The following MYH15 variants were observed in gnomAD, a reference collection of about 807,000 sequenced individuals.
MYH15 encodes the protein myosin heavy chain 15, also known as myosin-15.
Under a neutral mutation model 240.5 loss-of-function variants are expected in MYH15, and 227 were observed. That is an observed-to-expected ratio of 0.94 (90% CI 0.85 to 1.05). The LOEUF is 1.05. MYH15 is among the 50% of genes least tolerant of loss of function. MYH15 has a pLI of 0.00. For missense variants in MYH15, 2,217 were observed against 2,247.5 expected, an observed-to-expected ratio of 0.99 and a Z score of 0.27; for synonymous variants, 785 against 796.7, an observed-to-expected ratio of 0.99 and a Z score of 0.25.
At chr3:108,469,019 G>A (rs1310299495) in intron 14 of MYH15, among the ~76,000 whole-genome samples, 2 of 152,048 alleles carry the variant, frequency 1.3e-5, no homozygotes, top group Admixed American at 6.5e-5. Flanking sequence ...TTATTAATAT[G>A]TTTTAATCAG....
upstream of MYH15, among the ~76,000 whole-genome samples, chr3:108,532,619 A>T (rs1409927297): frequency 1.3e-5 from 2 of 151,810 alleles, no homozygotes; most frequent in Non-Finnish European, 2.9e-5. Flanking sequence ...GAAATCTCTC[A>T]CTCTTGCTCT....
At chr3:108,529,048 G>C (rs889238196) in intron 1 of MYH15, among the ~76,000 whole-genome samples, 2 of 152,128 alleles carry the variant, frequency 1.3e-5, no homozygotes, top group African/African-American at 4.8e-5. Context: ...ATCACATGAA[G>C]TGTTTTACCA....
intron 14 of MYH15, among the ~76,000 whole-genome samples, chr3:108,468,171 AGC>A (rs1428615552): frequency 1.3e-5 from 2 of 152,050 alleles, no homozygotes; most frequent in African/African-American, 4.8e-5. Context: ...TCACCATGTT[AGC>A]CAGGCTGGTG....
intron 12 of MYH15, among the ~76,000 whole-genome samples, chr3:108,475,715 C>T (rs1297541607): frequency 2.6e-5 from 4 of 152,166 alleles, no homozygotes; most frequent in African/African-American, 9.7e-5. Flanking sequence ...TGCATTACTG[C>T]AGCCCAGCTT....
chr3:108,496,394 G>A (rs929777686), intron 6 of MYH15, among the ~76,000 whole-genome samples: 4 of 152,146 alleles, frequency 2.6e-5, no homozygotes, highest in Non-Finnish European at 5.9e-5. Context: ...TTTGAATCAC[G>A]TGTGCTCAGG....
At chr3:108,439,040 C>G (rs1161882044) in intron 24 of MYH15, among the ~76,000 whole-genome samples, 6 of 149,164 alleles carry the variant, frequency 4.0e-5, no homozygotes, top group Non-Finnish European at 8.9e-5. Flanking sequence ...GAAGAAAGAG[C>G]AGCAGATAAG....
Position 108,416,872 on chromosome 3 carries a change from T to C in MYH15, c.3888A>G (p.Glu1296=), listed in dbSNP as rs765955442. Residue 1296 remains glutamate (E), a synonymous_variant, in exon 29 of 41, where the codon GAA becomes GAG. Transcript: ENST00000693548. ...CAATCTGCCGAGTGAAGTTGCTCTTTTCCCTGGAAAGTTGGTTTATCAGAG... is the reference window on the plus strand; with the variant it reads ...CAATCTGCCGAGTGAAGTTGCTCTTCTCCCTGGAAAGTTGGTTTATCAGAG... The part of the protein sequence containing the change: ...KEALINQLSR[E]KSNFTRQIED... 1 of 1,614,118 alleles carries C rather than the reference T, an allele frequency of 6.2e-7. No homozygotes were observed. The highest frequency in any genetic ancestry group is 1.3e-5 in the African/African-American group (1 of 75,040).
In MYH15 at chr3:108,439,822, T is replaced by C. The variant is rs755135787; in HGVS notation, c.2990A>G (p.Gln997Arg). 4 of 1,613,716 alleles carry C rather than the reference T, an allele frequency of 2.5e-6. No individual in the cohort carries two copies. The highest frequency in any genetic ancestry group is 3.4e-6 in the Non-Finnish European group (4 of 1,179,830). Reference protein sequence around the residue: ...AAKVVQEAHQQTLDDLHMEEE... With the variant: ...AAKVVQEAHQRTLDDLHMEEE... ...CTCCATGTGCAGGTCATCCAGGGTCTGCTGATGGGCCTCCTGCACAACCTT... is the reference window on the plus strand; with the variant it reads ...CTCCATGTGCAGGTCATCCAGGGTCCGCTGATGGGCCTCCTGCACAACCTT... Residue 997 changes from glutamine to arginine, a missense_variant, in exon 24 of 41, where the codon CAG (glutamine) becomes CGG (arginine). By Grantham distance (43) the Gln-to-Arg change is conservative. Coordinates refer to ENST00000693548, the MANE Select transcript of MYH15 (RefSeq NM_014981.3).
At chr3:108,432,076 T>G (rs1244487812) in intron 25 of MYH15, among the ~76,000 whole-genome samples, 1 of 152,124 alleles carries the variant, frequency 6.6e-6, no homozygotes, top group Non-Finnish European at 1.5e-5. Context: ...TGTTTTGTTT[T>G]CAGACTGAGT....
chr3:108,546,575 A>T, the MYH15 span, among the ~76,000 whole-genome samples: 1 of 152,286 alleles, frequency 6.6e-6, no homozygotes, highest in Admixed American at 6.5e-5. Context: ...GTCCTTTGCT[A>T]TGTATCCTGG....
At position 108,495,889 on chromosome 3, in the gene MYH15, A is replaced by T; in HGVS notation, c.619-17T>A. On this transcript the variant is annotated splice_polypyrimidine_tract_variant and intron_variant, in intron 6 of 40. Transcript: ENST00000693548. ...TAACGCCCCCTGAGACACATGCAAG[A>T]GAAGTACAGCTGATGAAACTATTAG... The T allele has an allele frequency of 6.3e-7, 1 of 1,580,110 alleles. No homozygotes were observed. The highest frequency in any genetic ancestry group is 8.7e-7 in the Non-Finnish European group (1 of 1,155,992).
intron 33 of MYH15, among the ~76,000 whole-genome samples, chr3:108,400,589 G>A (rs2082496260): frequency 6.6e-6 from 1 of 152,152 alleles, no homozygotes; most frequent in African/African-American, 2.4e-5. Context: ...CACTTTGGGA[G>A]GCCGAGGTGG....
chr3:108,534,862 G>C, the MYH15 span, among the ~76,000 whole-genome samples: 3 of 152,000 alleles, frequency 2.0e-5, no homozygotes, highest in Non-Finnish European at 4.4e-5. Context: ...GCCAGGGTGA[G>C]AGTGAAACAT....
intron 38 of MYH15, 75 bp downstream of exon 38, chr3:108,388,895 A>G: frequency 7.5e-7 from 1 of 1,325,842 alleles, no homozygotes; most frequent in Non-Finnish European, 1.1e-6. Context: ...CCAGAAGGCC[A>G]TTTCAGGCTT....
At chr3:108,508,748 T>C (rs772939157) in intron 1 of MYH15, among the ~76,000 whole-genome samples, 48 of 152,210 alleles carry the variant, frequency 3.2e-4, no homozygotes, top group Non-Finnish European at 6.2e-4. Flanking sequence ...GTCTTATAGT[T>C]ATTTTAAATA....
At chr3:108,400,420 C>G (rs901622070) in intron 33 of MYH15, among the ~76,000 whole-genome samples, 1 of 152,154 alleles carries the variant, frequency 6.6e-6, no homozygotes, top group African/African-American at 2.4e-5. Context: ...AGGCAAAAAC[C>G]TTTCTATTCT....
intron 1 of MYH15, among the ~76,000 whole-genome samples, chr3:108,519,743 G>T (rs527978987): frequency 1.3e-5 from 2 of 152,248 alleles, no homozygotes; most frequent in South Asian, 4.1e-4. Flanking sequence ...CCCACGATCT[G>T]CATAATAGAG....
chr3:108,443,574 G>A (rs1253714111), intron 22 of MYH15, among the ~76,000 whole-genome samples: 1 of 152,190 alleles, frequency 6.6e-6, no homozygotes, highest in African/African-American at 2.4e-5. Flanking sequence ...GCTGTTTCAG[G>A]ATCACAGTAG....
intron 33 of MYH15, among the ~76,000 whole-genome samples, chr3:108,402,386 A>T (rs975656059): frequency 6.6e-6 from 1 of 152,172 alleles, no homozygotes; most frequent in Non-Finnish European, 1.5e-5. Flanking sequence ...AAGGAACATT[A>T]CTATATACCT....
Sources: gnomAD v4.1 joint callset for allele counts (sites outside exome capture counted in the v4.1 genomes callset) on GRCh38, gnomAD v4.1.1 for gene constraint, MANE v1.5 for transcripts, NCBI Gene and HGNC (gene_info 2026-07-23, HGNC 2026-07-21) for gene names.